The following NEDD1 variants were observed in gnomAD, a reference collection of about 807,000 sequenced individuals.
NEDD1 encodes protein NEDD1.
In NEDD1, 33 loss-of-function variants were observed where a neutral mutation model predicts 74.0. That is an observed-to-expected ratio of 0.45 (90% CI 0.34 to 0.60). The LOEUF (loss-of-function observed/expected upper bound fraction) is 0.60. Ranked by LOEUF, NEDD1 falls within the 20% of genes least tolerant of loss-of-function variation. NEDD1 has a pLI of 0.01. For synonymous variants in NEDD1, 250 were observed against 264.4 expected, an observed-to-expected ratio of 0.95 and a Z score of 0.53; for missense variants, 746 against 776.5, an observed-to-expected ratio of 0.96 and a Z score of 0.47.
chr12:96,942,565 A>G lies in NEDD1; in HGVS notation c.1247-12A>G, dbSNP rs761919330. On this transcript the variant is annotated splice_polypyrimidine_tract_variant and intron_variant, in intron 10 of 15. Transcript: ENST00000266742. The stretch of plus-strand genomic sequence containing the variant: ...CACTAGTTTTAAAATTTGATTTTCT[A>G]ATTTGTTATAGATGCTGTAGTTAAC... 2 of 1,395,184 alleles carry G rather than the reference A, an allele frequency of 1.4e-6. No individual in the cohort carries two copies. The highest frequency in any genetic ancestry group is 1.2e-5 in the South Asian group (1 of 83,150). 86.4% of individuals were successfully genotyped at this position (1,395,184 alleles called of 1,614,324 possible).
chr12:96,945,405 A>G (rs899805526), intron 13 of NEDD1, among the ~76,000 whole-genome samples: 3 of 152,178 alleles, frequency 2.0e-5, no homozygotes, highest in Non-Finnish European at 4.4e-5. Context: ...TGTCACATTC[A>G]TCTTTTATAA....
At chr12:96,923,849 C>T (rs908743585) in intron 6 of NEDD1, among the ~76,000 whole-genome samples, 22 of 122,436 alleles carry the variant, frequency 1.8e-4, no homozygotes, top group Non-Finnish European at 2.7e-4. Context: ...TGCCTGTTTG[C>T]GTGTGTGTGT....
chr12:96,920,174 T>A (rs1874915669), intron 6 of NEDD1, 49 bp downstream of exon 6: 1 of 1,218,856 alleles, frequency 8.2e-7, no homozygotes, highest in Non-Finnish European at 1.1e-6. Flanking sequence ...AGATTTTGAA[T>A]TGTATCTTAC....
chr12:96,948,290 G>A (rs928567090), intron 14 of NEDD1, among the ~76,000 whole-genome samples: 1 of 152,144 alleles, frequency 6.6e-6, no homozygotes, highest in African/African-American at 2.4e-5. Flanking sequence ...GTGGGAAAAA[G>A]TTGGTGAGTA....
chr12:96,930,205 A>ACTCT (rs1565799004), intron 6 of NEDD1, among the ~76,000 whole-genome samples: 1 of 76,466 alleles, frequency 1.3e-5, no homozygotes, highest in African/African-American at 5.3e-5. Context: ...ACACACACAC[A>ACTCT]CACACACTCT....
rs537147685 is a variant in NEDD1 at position 96,915,137 on chromosome 12, C to T, written c.231+2320C>T. 9.9e-5 allele frequency among the ~76,000 whole-genome samples: 15 copies of T among 152,276 alleles called. No individual in the cohort carries two copies. In the East Asian group the frequency reaches 2.7e-3, roughly 27 times the overall value. ...GAGAATTACAGCAACTATACTGAAACATTGATGTTGTGTGCATCTTGCTAT... is the reference window on the plus strand; with the variant it reads ...GAGAATTACAGCAACTATACTGAAATATTGATGTTGTGTGCATCTTGCTAT... On this transcript the variant is annotated intron_variant, in intron 4 of 15. Transcript: ENST00000266742.
At chr12:96,921,246 A>G (rs1875051295) in intron 6 of NEDD1, among the ~76,000 whole-genome samples, 4 of 152,128 alleles carry the variant, frequency 2.6e-5, no homozygotes, top group African/African-American at 4.8e-5. Context: ...TAGTGGCGCA[A>G]TCTCAGCTCA....
chr12:96,920,167 T>A, intron 6 of NEDD1, 42 bp downstream of exon 6: 1 of 1,295,184 alleles, frequency 7.7e-7, no homozygotes, highest in Non-Finnish European at 1.1e-6. Context: ...GTAAGATAGA[T>A]TTTGAATTGT....
At chr12:96,907,452 C>G in intron 1 of NEDD1, 152 bp downstream of exon 1, 1 of 594,114 alleles carries the variant, frequency 1.7e-6, no homozygotes, top group South Asian at 2.3e-5. Flanking sequence ...GGGGGCGCGG[C>G]GGCGCGCTGG....
Position 96,945,858 on chromosome 12 carries a change from T to A in NEDD1, c.1811+9T>A. On this transcript the variant is annotated intron_variant, in intron 14 of 15. Coordinates refer to ENST00000266742, the MANE Select transcript of NEDD1 (RefSeq NM_152905.4). The stretch of plus-strand genomic sequence containing the variant: ...ACGTTGGATGACTTTAGGTAGTAAT[T>A]GAGAAACTACTCCTTCTATCTAGAC... 1 of 1,575,308 alleles carries A rather than the reference T, an allele frequency of 6.3e-7. No individual in the cohort carries two copies. Among genetic ancestry groups the A allele is most frequent in the Non-Finnish European group, 8.7e-7 (1 of 1,147,728 alleles).
intron 3 of NEDD1, 45 bp from the exon 4 acceptor site, chr12:96,912,678 A>G (rs373064033): frequency 1.1e-5 from 10 of 878,110 alleles, no homozygotes; most frequent in East Asian, 7.2e-5. Flanking sequence ...GTCTAGTGCT[A>G]TAGATGTTCA....
rs1418615878 is a variant in NEDD1, at chr12:96,932,458, AAAAAAATATATAT to A, written c.490-2516_490-2504del. 9.9e-4 allele frequency among the ~76,000 whole-genome samples: 51 copies of A among 51,716 alleles called. 1 individual carries two copies. The highest frequency in any genetic ancestry group is 1.6e-3 in the Non-Finnish European group (41 of 26,230). The allele number at this position is 51,716 out of a possible 152,430, so 33.9% of individuals were successfully genotyped here. A position where few individuals can be genotyped will look rare whatever the true frequency, so the allele number is the denominator to read the frequency against. On this transcript the variant is annotated intron_variant, in intron 6 of 15. Transcript: ENST00000266742. ...CCTGTCTCTTAAAAAAAAAAAAAAA[AAAAAAATATATAT>A]ATATATATATATATATAAAATGCAC...
chr12:96,950,121 A>G (rs999333986), intron 14 of NEDD1, among the ~76,000 whole-genome samples: 1 of 152,062 alleles, frequency 6.6e-6, no homozygotes, highest in Non-Finnish European at 1.5e-5. Context: ...TTATAAATGA[A>G]TAAGAAAAAG....
rs74375807 is a variant in NEDD1 at position 96,914,411 on chromosome 12, A to G, written c.231+1594A>G. ...TTGTGAATATTCCAAATTAGTTGCTATGATTCTTAGCCCTCTTTCCCATAG... is the reference window on the plus strand; with the variant it reads ...TTGTGAATATTCCAAATTAGTTGCTGTGATTCTTAGCCCTCTTTCCCATAG... On this transcript the variant is annotated intron_variant, in intron 4 of 15. Coordinates refer to ENST00000266742, the MANE Select transcript of NEDD1 (RefSeq NM_152905.4). Among the ~76,000 whole-genome samples the G allele has an allele frequency of 1.0e-2, 1,521 of 152,274 alleles. 68 individuals carry two copies. Among genetic ancestry groups the G allele is most frequent in the East Asian group, 0.094 (489 of 5,184 alleles).
chr12:96,923,854 G>A (rs535381590), intron 6 of NEDD1, among the ~76,000 whole-genome samples: 1 of 151,110 alleles, frequency 6.6e-6, no homozygotes, highest in South Asian at 2.1e-4. Context: ...GTTTGCGTGT[G>A]TGTGTGTGTT....
chr12:96,918,010 C>T (rs1592867775), intron 5 of NEDD1, among the ~76,000 whole-genome samples: 1 of 152,128 alleles, frequency 6.6e-6, no homozygotes, highest in East Asian at 1.9e-4. Flanking sequence ...AACCACTTCA[C>T]TCATTTTTTC....
chr12:96,931,368 A>C (rs1349638401), intron 6 of NEDD1, among the ~76,000 whole-genome samples: 1 of 152,208 alleles, frequency 6.6e-6, no homozygotes, highest in East Asian at 1.9e-4. Context: ...GCAAAAATTC[A>C]CAAAATTTAA....
chr12:96,919,168 A>G (rs971979427), intron 5 of NEDD1, among the ~76,000 whole-genome samples: 1 of 152,144 alleles, frequency 6.6e-6, no homozygotes, highest in Non-Finnish European at 1.5e-5. Context: ...GTCCTTGTGA[A>G]CTCAGTTTGT....
At position 96,951,517 on chromosome 12, in the gene NEDD1, AT is replaced by A; in HGVS notation, c.1878+23del. On this transcript the variant is annotated intron_variant, in intron 15 of 15. Coordinates refer to ENST00000266742, the MANE Select transcript of NEDD1 (RefSeq NM_152905.4). ...GCAACTGGTATGTATGGCAAATTTTATTTTAATATTTTAAATGAAAGTAGAG... is the reference window on the plus strand; with the variant it reads ...GCAACTGGTATGTATGGCAAATTTTATTTAATATTTTAAATGAAAGTAGAG... 1 of 1,185,352 alleles carries A rather than the reference AT, an allele frequency of 8.4e-7. No homozygotes were observed. Among genetic ancestry groups the A allele is most frequent in the Non-Finnish European group, 1.2e-6 (1 of 806,414 alleles). 73.4% of individuals were successfully genotyped at this position (1,185,352 alleles called of 1,614,324 possible). A position where few individuals can be genotyped will look rare whatever the true frequency, so the allele number is the denominator to read the frequency against.
Sources: gnomAD v4.1 joint callset for allele counts (sites outside exome capture counted in the v4.1 genomes callset) on GRCh38, gnomAD v4.1.1 for gene constraint, MANE v1.5 for transcripts, NCBI Gene and HGNC (gene_info 2026-07-23, HGNC 2026-07-21) for gene names.